The following HTR4 variants were observed in gnomAD, a reference collection of about 807,000 sequenced individuals.
HTR4 encodes 5-hydroxytryptamine (serotonin) receptor 4, G protein-coupled.
HTR4 carries 16 observed loss-of-function variants against 36.8 expected under a neutral mutation model. That is an observed-to-expected ratio of 0.43 (90% CI 0.29 to 0.66). The LOEUF is 0.66. Ranked by LOEUF, HTR4 falls within the 30% of genes least tolerant of loss-of-function variation. The pLI, the probability that HTR4 is intolerant of heterozygous loss-of-function variation, is 0.13. For synonymous variants in HTR4, 189 were observed against 185.1 expected (o/e 1.02, Z -0.17); for missense variants, 438 against 490.9 (o/e 0.89, Z 1.02).
At chr5:148,549,436 A>C (rs1759569583) in intron 3 of HTR4, among the ~76,000 whole-genome samples, 1 of 152,092 alleles carries the variant, frequency 6.6e-6, no homozygotes, top group African/African-American at 2.4e-5. Flanking sequence ...CTTAGAGAGG[A>C]ACTGCTTCGT....
chr5:148,471,363 G>A (rs536366961), intron 5 of HTR4, among the ~76,000 whole-genome samples: 5 of 152,192 alleles, frequency 3.3e-5, no homozygotes, highest in Non-Finnish European at 7.4e-5. Flanking sequence ...ATTTCTGATT[G>A]AATTCAATCA....
chr5:148,540,022 A>G (rs1759025454), intron 4 of HTR4, among the ~76,000 whole-genome samples: 1 of 152,140 alleles, frequency 6.6e-6, no homozygotes, highest in African/African-American at 2.4e-5. Context: ...CATATACACT[A>G]TGGAATACTA....
At chr5:148,559,604 A>G (rs111248412) in intron 2 of HTR4, among the ~76,000 whole-genome samples, 2,100 of 152,252 alleles carry the variant, frequency 0.014, 41 homozygotes, top group African/African-American at 0.049. Context: ...ATACAAATGG[A>G]CAATGGCCAG....
chr5:148,630,385 G>T (rs1561659757), intron 2 of HTR4: 1 of 152,108 alleles, frequency 6.6e-6, no homozygotes, highest in Non-Finnish European at 1.5e-5. Context: ...TTCCCAAACA[G>T]AACTGTGTCC....
intron 2 of HTR4, among the ~76,000 whole-genome samples, chr5:148,576,490 A>G (rs1344168370): frequency 2.0e-5 from 3 of 152,092 alleles, no homozygotes; most frequent in Non-Finnish European, 4.4e-5. Context: ...TATGGAACCA[A>G]TAAAGAGCTC....
chr5:148,606,308 G>A (rs1752161348), intron 2 of HTR4, among the ~76,000 whole-genome samples: 1 of 152,102 alleles, frequency 6.6e-6, no homozygotes, highest in African/African-American at 2.4e-5. Flanking sequence ...GATACAGCTA[G>A]GACACCTGGC....
chr5:148,481,624 C>A lies in HTR4; in HGVS notation c.*1579G>T. 1 of 1,502,064 alleles carries A rather than the reference C, an allele frequency of 6.7e-7. No individual in the cohort carries two copies. Among genetic ancestry groups the A allele is most frequent in the Non-Finnish European group, 8.8e-7 (1 of 1,136,906 alleles). The allele number at this position is 1,502,064 out of a possible 1,614,324, so 93.0% of individuals were successfully genotyped here. On this transcript the variant is annotated 3_prime_UTR_variant, in exon 7 of 7. Transcript: ENST00000377888. ...AAGTTTCTTCCTGTCGGTTTCAGTT[C>A]CAGAACTAAAGTAAACAACAATGGA...
chr5:148,632,531 C>T (rs1018077449), intron 2 of HTR4, among the ~76,000 whole-genome samples: 3 of 151,996 alleles, frequency 2.0e-5, no homozygotes, highest in African/African-American at 4.8e-5. Context: ...CAGAAGCTAC[C>T]GTTAAAAAGA....
chr5:148,520,122 A>G (rs1000365297), intron 5 of HTR4, among the ~76,000 whole-genome samples: 2 of 152,212 alleles, frequency 1.3e-5, no homozygotes, highest in African/African-American at 4.8e-5. Flanking sequence ...GCAAAGATTC[A>G]GTATTTACCA....
intron 5 of HTR4, among the ~76,000 whole-genome samples, chr5:148,521,686 C>T (rs1170218414): frequency 6.6e-6 from 1 of 152,010 alleles, no homozygotes; most frequent in Non-Finnish European, 1.5e-5. Context: ...ATCTGGAGAA[C>T]CAATACACAG....
At position 148,530,089 on chromosome 5, in the gene HTR4, T is replaced by C. The variant is rs370534928; in HGVS notation, c.354-6743A>G. 7.9e-5 allele frequency among the ~76,000 whole-genome samples: 12 copies of C among 152,278 alleles called. 1 individual carries two copies. The South Asian group carries it at 1.5e-3, about 18-fold the overall frequency. ...TGACTTTGGTGCTGTTAAAAGCATT[T>C]AGTTTTATAAGGAAAGCAGAGCATA... On this transcript the variant is annotated intron_variant, in intron 4 of 6. Coordinates refer to ENST00000377888, the MANE Select transcript of HTR4 (RefSeq NM_000870.7).
downstream of HTR4, among the ~76,000 whole-genome samples, chr5:148,480,481 C>T (rs1755840896): frequency 6.6e-6 from 1 of 152,160 alleles, no homozygotes; most frequent in African/African-American, 2.4e-5. Context: ...TGGATTTAAG[C>T]AATTCTCCTG....
chr5:148,583,065 G>A (rs1391319010), intron 2 of HTR4, among the ~76,000 whole-genome samples: 1 of 151,460 alleles, frequency 6.6e-6, no homozygotes, highest in African/African-American at 2.4e-5. Flanking sequence ...GATATTGGCT[G>A]TGGGTTTGTC....
At chr5:148,586,874 C>T (rs1471164836) in intron 2 of HTR4, among the ~76,000 whole-genome samples, 1 of 152,202 alleles carries the variant, frequency 6.6e-6, no homozygotes, top group Non-Finnish European at 1.5e-5. Flanking sequence ...CACTCCTTTA[C>T]TCTCTGCTGC....
intron 2 of HTR4, among the ~76,000 whole-genome samples, chr5:148,551,539 CATG>C (rs1164724667): frequency 1.3e-5 from 2 of 152,146 alleles, no homozygotes; most frequent in East Asian, 1.9e-4. Flanking sequence ...TCAATGAAAG[CATG>C]ATATCTGCAG....
At chr5:148,490,489 T>G in intron 6 of HTR4, 1 of 740,002 alleles carries the variant, frequency 1.4e-6, no homozygotes, top group Non-Finnish European at 1.7e-6. Context: ...CTGGCTGAAA[T>G]AGAGTTTGCT....
At chr5:148,463,089 A>G (rs1266170277) in intron 5 of HTR4, among the ~76,000 whole-genome samples, 1 of 151,858 alleles carries the variant, frequency 6.6e-6, no homozygotes, top group Non-Finnish European at 1.5e-5. Context: ...TATTTCCCCT[A>G]AGATCAGAAA....
chr5:148,479,957 G>T (rs11956662), downstream of HTR4, among the ~76,000 whole-genome samples: 6,356 of 152,200 alleles, frequency 0.042, 449 homozygotes, highest in African/African-American at 0.15. Context: ...TAGACTATCA[G>T]ATCAGGAAAA....
intron 2 of HTR4, among the ~76,000 whole-genome samples, chr5:148,582,662 G>A (rs1761183533): frequency 6.6e-6 from 1 of 152,046 alleles, no homozygotes; most frequent in African/African-American, 2.4e-5. Flanking sequence ...TGCTGATTAG[G>A]TCTCCAATAA....
Sources: allele counts gnomAD v4.1 joint callset (sites outside exome capture counted in the v4.1 genomes callset), GRCh38; gene constraint gnomAD v4.1.1; transcripts MANE v1.5; gene names NCBI Gene and HGNC (gene_info 2026-07-23, HGNC 2026-07-21).